SLC17A6: variants seen among roughly 807,000 people sequenced by gnomAD.
SLC17A6 encodes vesicular glutamate transporter 2.
Under a neutral mutation model 67.1 loss-of-function variants are expected in SLC17A6, and 35 were observed. The ratio of observed to expected loss-of-function variants is 0.52; its 90% CI spans 0.40 to 0.69. SLC17A6 has a LOEUF of 0.69. Ranked by LOEUF, SLC17A6 falls within the 30% of genes least tolerant of loss-of-function variation. SLC17A6 has a pLI of 0.00. For synonymous variants in SLC17A6, 285 were observed against 252.3 expected (o/e 1.13, Z -1.23); for missense variants, 588 against 723.9 (o/e 0.81, Z 2.15).
intron 3 of SLC17A6, among the ~76,000 whole-genome samples, chr11:22,357,385 T>C (rs776720503): frequency 6.6e-6 from 1 of 152,202 alleles, no homozygotes; most frequent in Non-Finnish European, 1.5e-5. Flanking sequence ...TTGATTCAGC[T>C]TTACTAAGGG....
At chr11:22,359,290 C>T (rs769547838) in intron 3 of SLC17A6, 123 bp from the exon 4 acceptor site, 1 of 488,992 alleles carries the variant, frequency 2.0e-6, no homozygotes, top group Non-Finnish European at 3.4e-6. Context: ...AAAAAACAAT[C>T]TACCTTAAAA....
intron 3 of SLC17A6, among the ~76,000 whole-genome samples, chr11:22,353,926 T>G (rs992474813): frequency 6.6e-6 from 1 of 152,174 alleles, no homozygotes; most frequent in African/African-American, 2.4e-5. Context: ...AATACTAGAA[T>G]AACCTGGGAA....
intron 5 of SLC17A6, chr11:22,362,239 C>A: frequency 2.1e-6 from 1 of 471,966 alleles, no homozygotes; most frequent in Admixed American, 2.7e-5. Flanking sequence ...TCTGGCCATG[C>A]TTTGAGAACT....
In SLC17A6 at chr11:22,374,749, C is replaced by T. The variant is rs771204119; in HGVS notation, c.1042-6C>T. 10 of 1,579,490 alleles carry T rather than the reference C, an allele frequency of 6.3e-6. 1 individual carries two copies. The South Asian group carries it at 1.1e-4, about 17-fold the overall frequency. On this transcript the variant is annotated splice_region_variant and splice_polypyrimidine_tract_variant and intron_variant, in intron 8 of 11. Coordinates refer to ENST00000263160, the MANE Select transcript of SLC17A6 (RefSeq NM_020346.3). Reference sequence around the variant, plus strand: ...TCTATTTCTCTCCCTTCTTGTTTTTCATCAGGTTGGTATGCTATCTGCTGT... The same window carrying T: ...TCTATTTCTCTCCCTTCTTGTTTTTTATCAGGTTGGTATGCTATCTGCTGT...
At chr11:22,375,263 T>A (rs1048476502) in intron 9 of SLC17A6, among the ~76,000 whole-genome samples, 14 of 151,532 alleles carry the variant, frequency 9.2e-5, no homozygotes, top group African/African-American at 3.1e-4. Context: ...GTCCAGCTAC[T>A]TGGAAGACTG....
At chr11:22,373,792 C>A (rs1026848538) in intron 8 of SLC17A6, among the ~76,000 whole-genome samples, 4 of 152,170 alleles carry the variant, frequency 2.6e-5, no homozygotes, top group Non-Finnish European at 4.4e-5. Context: ...ACTGTGGAGT[C>A]ATTTACTGTC....
intron 7 of SLC17A6, among the ~76,000 whole-genome samples, chr11:22,367,930 T>C (rs147032179): frequency 3.0e-4 from 45 of 152,308 alleles, no homozygotes; most frequent in African/African-American, 1.1e-3. Context: ...GCATTTTAGT[T>C]AATTTGAACT....
chr11:22,375,446 T>C (rs11026537), intron 9 of SLC17A6, among the ~76,000 whole-genome samples: 23,987 of 152,076 alleles, frequency 0.16, 2,279 homozygotes, highest in East Asian at 0.24. Context: ...CTTCCAATCA[T>C]TGAAACTTTA....
chr11:22,344,108 C>T (rs1041791196), intron 3 of SLC17A6, among the ~76,000 whole-genome samples: 9 of 152,272 alleles, frequency 5.9e-5, no homozygotes, highest in African/African-American at 2.2e-4. Context: ...TGAGGGGCAG[C>T]TTCCTTTGCT....
chr11:22,340,575 G>T (rs1394991093), intron 1 of SLC17A6, among the ~76,000 whole-genome samples: 1 of 152,168 alleles, frequency 6.6e-6, no homozygotes, highest in Admixed American at 6.5e-5. Context: ...TGATTTGGGG[G>T]AGCCTTTGTA....
chr11:22,354,997 G>A (rs144257269), intron 3 of SLC17A6, among the ~76,000 whole-genome samples: 40 of 152,292 alleles, frequency 2.6e-4, no homozygotes, highest in African/African-American at 8.9e-4. Context: ...TAGCCTAACA[G>A]TAATCCTAAG....
At chr11:22,364,614 G>A (rs370752278) in intron 6 of SLC17A6, among the ~76,000 whole-genome samples, 1 of 148,744 alleles carries the variant, frequency 6.7e-6, no homozygotes, top group Non-Finnish European at 1.5e-5. Flanking sequence ...AGCTATGTAT[G>A]GTGTTAGGAA....
At chr11:22,365,504 G>C in intron 6 of SLC17A6, 43 bp from the exon 7 acceptor site, 6 of 1,608,978 alleles carry the variant, frequency 3.7e-6, no homozygotes, top group Non-Finnish European at 5.1e-6. Context: ...GCACATCACT[G>C]TTAAATGGAA....
intron 5 of SLC17A6, among the ~76,000 whole-genome samples, chr11:22,362,519 T>C (rs953359809): frequency 6.6e-6 from 1 of 152,102 alleles, no homozygotes; most frequent in Non-Finnish European, 1.5e-5. Context: ...CTCTGTTGTG[T>C]CTTGGGTAGG....
At chr11:22,375,421 GTAAC>G (rs1374807636) in intron 9 of SLC17A6, among the ~76,000 whole-genome samples, 2 of 151,970 alleles carry the variant, frequency 1.3e-5, no homozygotes, top group Non-Finnish European at 2.9e-5. Context: ...TGTATTTATT[GTAAC>G]TAACTCACCT....
intron 7 of SLC17A6, among the ~76,000 whole-genome samples, chr11:22,368,522 G>T (rs1030342117): frequency 6.6e-6 from 1 of 151,848 alleles, no homozygotes; most frequent in African/African-American, 2.4e-5. Flanking sequence ...ATTTTTTAAG[G>T]TATAAGGTGA....
In SLC17A6 at chr11:22,362,824, C is replaced by T. The variant is rs753049319; in HGVS notation, c.747C>T (p.Tyr249=). 2.3e-5 allele frequency: 37 copies of T among 1,611,914 alleles called. No individual in the cohort carries two copies. Among genetic ancestry groups the T allele is most frequent in the East Asian group, 8.9e-5 (4 of 44,882 alleles). ...GCTGGTCTTCAGTGTTTTATGTCTA[C>T]GGTATGTTATATTTCTATGCAATAG... ...YTGWSSVFYV[Y]GSFGMVWYMF... The change falls in exon 6 of 12, where the codon TAC becomes TAT. Residue 249 remains tyrosine (Y), a splice_region_variant and synonymous_variant. Coordinates refer to ENST00000263160, the MANE Select transcript of SLC17A6 (RefSeq NM_020346.3).
intron 2 of SLC17A6, 152 bp from the exon 3 acceptor site, chr11:22,343,095 T>C: frequency 1.4e-6 from 1 of 732,486 alleles, no homozygotes; most frequent in Non-Finnish European, 2.4e-6. Context: ...AAGAGGCAAT[T>C]TTGTTAGGAA....
chr11:22,370,337 T>A, intron 8 of SLC17A6, 149 bp downstream of exon 8: 2 of 680,188 alleles, frequency 2.9e-6, no homozygotes, highest in South Asian at 4.2e-5. Flanking sequence ...AGAAGCAAAG[T>A]AAAATGTTTC....
Sources: allele counts gnomAD v4.1 joint callset (sites outside exome capture counted in the v4.1 genomes callset), GRCh38; gene constraint gnomAD v4.1.1; transcripts MANE v1.5; gene names NCBI Gene and HGNC (gene_info 2026-07-23, HGNC 2026-07-21).